Variants in TYW1 observed in about 807,000 individuals in gnomAD.
TYW1 encodes S-adenosyl-L-methionine-dependent tRNA 4-demethylwyosine synthase TYW1.
TYW1 carries 46 observed loss-of-function variants against 96.2 expected under a neutral mutation model. The observed-to-expected ratio is 0.48, with a 90% CI of 0.38 to 0.61. TYW1 has a LOEUF of 0.61. TYW1 is among the 20% of genes least tolerant of loss of function. The pLI, the probability that TYW1 is intolerant of heterozygous loss-of-function variation, is 0.00. For missense variants in TYW1, 684 were observed against 909.6 expected, an observed-to-expected ratio of 0.75 and a Z score of 3.19; for synonymous variants, 274 against 323.0, an observed-to-expected ratio of 0.85 and a Z score of 1.63.
chr7:67,090,509 G>A (rs1042573818), intron 11 of TYW1, among the ~76,000 whole-genome samples: 2 of 152,190 alleles, frequency 1.3e-5, no homozygotes, highest in Non-Finnish European at 2.9e-5. Context: ...CCGCTTGTTA[G>A]TTACTCTGCT....
At chr7:67,049,269 C>T (rs888267934) in intron 7 of TYW1, among the ~76,000 whole-genome samples, 1 of 152,146 alleles carries the variant, frequency 6.6e-6, no homozygotes, top group African/African-American at 2.4e-5. Flanking sequence ...TCGCCCTTTT[C>T]AGGTGAGGAA....
chr7:67,172,262 G>A (rs1353879532), intron 13 of TYW1, among the ~76,000 whole-genome samples: 4 of 150,148 alleles, frequency 2.7e-5, no homozygotes, highest in Admixed American at 1.3e-4. Context: ...AGTGATTGAC[G>A]CAGGCATGCT....
At chr7:67,161,069 A>G (rs569061812) in intron 13 of TYW1, among the ~76,000 whole-genome samples, 34 of 152,200 alleles carry the variant, frequency 2.2e-4, no homozygotes, top group African/African-American at 7.7e-4. Flanking sequence ...TGAGCTTTCT[A>G]CTGTGTTATA....
intron 13 of TYW1, among the ~76,000 whole-genome samples, chr7:67,143,244 T>C (rs1798505632): frequency 1.3e-5 from 2 of 152,134 alleles, no homozygotes. Context: ...GATGTGGTCT[T>C]TGCCTTAGAG....
At chr7:67,095,947 G>C (rs1419035383) in intron 11 of TYW1, among the ~76,000 whole-genome samples, 21 of 152,078 alleles carry the variant, frequency 1.4e-4, no homozygotes, top group Middle Eastern at 3.2e-3. Flanking sequence ...TCATAAATGA[G>C]GATAAAGGTG....
chr7:67,161,182 G>GT (rs1799155129), intron 13 of TYW1, among the ~76,000 whole-genome samples: 2 of 148,748 alleles, frequency 1.3e-5, no homozygotes, highest in South Asian at 4.2e-4. Context: ...CTTCAAAATT[G>GT]TTTTTTTCCA....
chr7:67,105,343 C>T (rs553646612), intron 12 of TYW1, among the ~76,000 whole-genome samples: 5 of 152,284 alleles, frequency 3.3e-5, no homozygotes, highest in African/African-American at 1.2e-4. Context: ...TTCAGAAACT[C>T]AGTTGATGAT....
intron 15 of TYW1, among the ~76,000 whole-genome samples, chr7:67,220,346 G>GGC (rs1176548863): frequency 2.0e-5 from 3 of 151,764 alleles, no homozygotes; most frequent in Non-Finnish European, 4.4e-5. Flanking sequence ...TGGGACTACA[G>GGC]GCGCCTGCCA....
intron 15 of TYW1, among the ~76,000 whole-genome samples, chr7:67,201,307 A>AAACAACAAC (rs200234600): frequency 3.5e-5 from 4 of 113,794 alleles, no homozygotes; most frequent in South Asian, 5.8e-4. Context: ...TCCATTTCTA[A>AAACAACAAC]AACAACAACA....
intron 14 of TYW1, among the ~76,000 whole-genome samples, chr7:67,184,506 T>C (rs559143648): frequency 3.6e-4 from 54 of 151,998 alleles, no homozygotes; most frequent in African/African-American, 1.3e-3. Context: ...TTCCGATGAG[T>C]GTATTGCTGG....
At chr7:67,217,994 G>T (rs1027421222) in intron 15 of TYW1, among the ~76,000 whole-genome samples, 5 of 151,556 alleles carry the variant, frequency 3.3e-5, no homozygotes, top group Non-Finnish European at 5.9e-5. Context: ...AAGTAGCTGG[G>T]ATTACAGGCA....
At chr7:67,205,524 A>G (rs1403800332) in intron 15 of TYW1, among the ~76,000 whole-genome samples, 3 of 151,534 alleles carry the variant, frequency 2.0e-5, no homozygotes, top group Admixed American at 1.3e-4. Context: ...CTCCCTGTGT[A>G]GTCTGTATGA....
At chr7:67,035,919 C>T (rs951586248) in intron 7 of TYW1, among the ~76,000 whole-genome samples, 14 of 151,190 alleles carry the variant, frequency 9.3e-5, no homozygotes, top group African/African-American at 3.1e-4. Context: ...TCTTATGATC[C>T]GCCCACCTTG....
rs182361134 is a variant in TYW1, at chr7:67,188,959, A to C, written c.1809+5723A>C. 6.8e-4 allele frequency among the ~76,000 whole-genome samples: 104 copies of C among 152,366 alleles called. 1 individual carries two copies. The highest frequency in any genetic ancestry group is 2.4e-3 in the African/African-American group (99 of 41,592). Reference sequence around the variant, plus strand: ...CACACATGTATGTGTATGTGTGTGCATTCAGAGTACTGTACTGAATTGTTG... The same window carrying C: ...CACACATGTATGTGTATGTGTGTGCCTTCAGAGTACTGTACTGAATTGTTG... On this transcript the variant is annotated intron_variant, in intron 14 of 15. Coordinates refer to ENST00000359626, the MANE Select transcript of TYW1 (RefSeq NM_018264.4).
At chr7:67,127,630 T>A (rs1385047840) in intron 13 of TYW1, among the ~76,000 whole-genome samples, 1 of 152,206 alleles carries the variant, frequency 6.6e-6, no homozygotes, top group East Asian at 1.9e-4. Context: ...TAAACATTTT[T>A]ATTTTACTCC....
chr7:67,164,104 C>G (rs531749845), intron 13 of TYW1, among the ~76,000 whole-genome samples: 1 of 152,182 alleles, frequency 6.6e-6, no homozygotes, highest in Admixed American at 6.5e-5. Flanking sequence ...TTTCTGATCC[C>G]AAAACTTTTG....
At chr7:67,137,818 A>G (rs34816203) in intron 13 of TYW1, among the ~76,000 whole-genome samples, 1 of 152,216 alleles carries the variant, frequency 6.6e-6, no homozygotes, top group Non-Finnish European at 1.5e-5. Context: ...CAAAGGGCCT[A>G]GTTTTCTCAT....
At chr7:67,036,881 A>G (rs1794857370) in intron 7 of TYW1, among the ~76,000 whole-genome samples, 1 of 152,330 alleles carries the variant, frequency 6.6e-6, no homozygotes, top group East Asian at 1.9e-4. Flanking sequence ...ACCAGCCAGA[A>G]GCAAAGAGAC....
At chr7:67,170,268 C>T (rs191177595) in intron 13 of TYW1, among the ~76,000 whole-genome samples, 1 of 152,160 alleles carries the variant, frequency 6.6e-6, no homozygotes, top group Non-Finnish European at 1.5e-5. Context: ...TGTGGACTGT[C>T]CAGTTCTGTT....
Sources: gnomAD v4.1 joint callset for allele counts (sites outside exome capture counted in the v4.1 genomes callset) on GRCh38, gnomAD v4.1.1 for gene constraint, MANE v1.5 for transcripts, NCBI Gene and HGNC (gene_info 2026-07-23, HGNC 2026-07-21) for gene names.